The following DDX10 variants were observed in gnomAD, a reference collection of about 807,000 sequenced individuals.
DDX10 encodes DEAD-box helicase 10.
Under a neutral mutation model 104.3 loss-of-function variants are expected in DDX10, and 74 were observed. The ratio of observed to expected loss-of-function variants is 0.71; its 90% CI spans 0.59 to 0.86. DDX10 has a LOEUF of 0.86. Among genes scored for constraint, DDX10 ranks in the 40% least tolerant of loss-of-function variants. DDX10 has a pLI of 0.00. For synonymous variants in DDX10, 351 were observed against 353.4 expected (o/e 0.99, Z 0.08); for missense variants, 952 against 1,040.0 (o/e 0.92, Z 1.16).
intron 13 of DDX10, among the ~76,000 whole-genome samples, chr11:108,732,034 A>T (rs534014437): frequency 1.8e-4 from 28 of 152,300 alleles, no homozygotes; most frequent in African/African-American, 5.5e-4. Flanking sequence ...TATCTTGATT[A>T]TCTTTTTTTC....
At chr11:108,892,518 GT>G (rs1433338115) in intron 16 of DDX10, among the ~76,000 whole-genome samples, 1 of 152,056 alleles carries the variant, frequency 6.6e-6, no homozygotes, top group Non-Finnish European at 1.5e-5. Context: ...AACCTCATTT[GT>G]TGATGTTTTT....
At chr11:108,881,731 A>G (rs376661460) in intron 16 of DDX10, among the ~76,000 whole-genome samples, 2 of 152,154 alleles carry the variant, frequency 1.3e-5, no homozygotes, top group African/African-American at 2.4e-5. Flanking sequence ...TGGGCTAAGT[A>G]TGATGTTTGG....
At chr11:108,916,751 G>T (rs1413032764) in intron 16 of DDX10, among the ~76,000 whole-genome samples, 1 of 151,996 alleles carries the variant, frequency 6.6e-6, no homozygotes, top group African/African-American at 2.4e-5. Flanking sequence ...TCTGGTAGTT[G>T]ACAAAACCAA....
chr11:108,741,720 A>T (rs758780938), intron 13 of DDX10, among the ~76,000 whole-genome samples: 1 of 152,174 alleles, frequency 6.6e-6, no homozygotes, highest in Non-Finnish European at 1.5e-5. Context: ...GGGATTTCCT[A>T]GGTGTAGAAT....
chr11:108,748,644 C>T (rs1369561340), intron 13 of DDX10, among the ~76,000 whole-genome samples: 1 of 151,950 alleles, frequency 6.6e-6, no homozygotes, highest in Non-Finnish European at 1.5e-5. Flanking sequence ...AGTGTTCTTG[C>T]TAATTACCTG....
chr11:108,748,124 G>C (rs2094334075), intron 13 of DDX10, among the ~76,000 whole-genome samples: 1 of 152,158 alleles, frequency 6.6e-6, no homozygotes, highest in South Asian at 2.1e-4. Context: ...GAAAAAACTG[G>C]CACAGGGTGG....
intron 16 of DDX10, among the ~76,000 whole-genome samples, chr11:108,907,341 T>TTC (rs987677836): frequency 2.6e-5 from 4 of 151,496 alleles, no homozygotes; most frequent in Non-Finnish European, 5.9e-5. Context: ...TCTTTTTTTT[T>TTC]TTTTCCTTTT....
intron 7 of DDX10, chr11:108,690,799 T>C: frequency 4.0e-6 from 1 of 248,086 alleles, no homozygotes. Flanking sequence ...CTTCATGTCC[T>C]TCACCAAGCA....
At chr11:108,793,577 A>G (rs576128793) in intron 13 of DDX10, among the ~76,000 whole-genome samples, 4 of 152,338 alleles carry the variant, frequency 2.6e-5, no homozygotes, top group African/African-American at 9.6e-5. Flanking sequence ...ATGGTGTTTT[A>G]AAAAACATAT....
chr11:108,928,128 T>G (rs1265365632), intron 17 of DDX10, among the ~76,000 whole-genome samples: 3 of 151,896 alleles, frequency 2.0e-5, no homozygotes, highest in Admixed American at 2.0e-4. Context: ...TACCTTCCTC[T>G]TCTGTGATAA....
At chr11:108,775,670 A>C (rs2094368954) in intron 13 of DDX10, among the ~76,000 whole-genome samples, 1 of 152,200 alleles carries the variant, frequency 6.6e-6, no homozygotes, top group African/African-American at 2.4e-5. Flanking sequence ...TCAGATACTT[A>C]TTCTCTATTT....
At chr11:108,791,825 A>G (rs767145069) in intron 13 of DDX10, among the ~76,000 whole-genome samples, 17 of 152,324 alleles carry the variant, frequency 1.1e-4, no homozygotes, top group Non-Finnish European at 1.8e-4. Flanking sequence ...ATTTAGTTAT[A>G]TGATAGTTAG....
intron 9 of DDX10, among the ~76,000 whole-genome samples, chr11:108,705,914 A>G (rs1027579308): frequency 3.3e-5 from 5 of 152,178 alleles, no homozygotes; most frequent in African/African-American, 9.7e-5. Flanking sequence ...AGATTTTACT[A>G]GGTGAGGGAA....
intron 12 of DDX10, among the ~76,000 whole-genome samples, chr11:108,721,337 G>A (rs1834627232): frequency 6.6e-6 from 1 of 152,166 alleles, no homozygotes; most frequent in African/African-American, 2.4e-5. Flanking sequence ...TTGCTCATAT[G>A]TTTAAATACC....
chr11:108,877,742 T>C (rs1863171945), intron 16 of DDX10, among the ~76,000 whole-genome samples: 1 of 152,236 alleles, frequency 6.6e-6, no homozygotes, highest in Non-Finnish European at 1.5e-5. Flanking sequence ...TGGAAGGCAC[T>C]TAAATAGCTC....
chr11:108,827,057 CTT>C (rs1862405346), intron 13 of DDX10, among the ~76,000 whole-genome samples: 1 of 152,160 alleles, frequency 6.6e-6, no homozygotes, highest in Non-Finnish European at 1.5e-5. Context: ...AGTTATGTAA[CTT>C]TGAACAAACT....
At chr11:108,768,437 G>A (rs765462163) in intron 13 of DDX10, among the ~76,000 whole-genome samples, 2 of 152,218 alleles carry the variant, frequency 1.3e-5, no homozygotes, top group Non-Finnish European at 2.9e-5. Flanking sequence ...TCAAGTGGAC[G>A]TTTGTTATTA....
chr11:108,690,733 G>A (rs1416751768), intron 7 of DDX10: 2 of 205,332 alleles, frequency 9.7e-6, no homozygotes, highest in African/African-American at 2.4e-5. Flanking sequence ...AAATGTCAAG[G>A]ACCTCAGACT....
chr11:108,675,564 C>A (rs1276909610), intron 2 of DDX10, 32 bp from the exon 3 acceptor site: 1 of 1,607,980 alleles, frequency 6.2e-7, no homozygotes. Context: ...CAGGGATCTT[C>A]TAAAGTATAA....
Sources: gnomAD v4.1 joint callset for allele counts (sites outside exome capture counted in the v4.1 genomes callset) on GRCh38, gnomAD v4.1.1 for gene constraint, MANE v1.5 for transcripts, NCBI Gene and HGNC (gene_info 2026-07-23, HGNC 2026-07-21) for gene names.